FAM53B: variants seen among roughly 807,000 people sequenced by gnomAD.
FAM53B encodes the protein protein FAM53B.
In FAM53B, 12 loss-of-function variants were observed where a neutral mutation model predicts 32.7. That is an observed-to-expected ratio of 0.37 (90% confidence interval 0.24 to 0.59). The LOEUF (loss-of-function observed/expected upper bound fraction) is 0.59. Ranked by LOEUF, FAM53B falls within the 20% of genes least tolerant of loss-of-function variation. The pLI is 0.72. For synonymous variants in FAM53B, 234 were observed against 228.7 expected (o/e 1.02, Z -0.21); for missense variants, 477 against 577.7 (o/e 0.83, Z 1.79).
chr10:124,640,766 G>A (rs1291982023), intron 4 of FAM53B, among the ~76,000 whole-genome samples: 3 of 152,224 alleles, frequency 2.0e-5, no homozygotes, highest in African/African-American at 4.8e-5. Context: ...GGAGGATCTA[G>A]GTGCCAGCAG....
chr10:124,625,469 G>C (rs1949340927), intron 4 of FAM53B, among the ~76,000 whole-genome samples: 1 of 152,148 alleles, frequency 6.6e-6, no homozygotes, highest in Non-Finnish European at 1.5e-5. Context: ...TGTGCACACA[G>C]CACAATCCCC....
chr10:124,636,364 T>C (rs1011436326), intron 4 of FAM53B, among the ~76,000 whole-genome samples: 8 of 152,240 alleles, frequency 5.3e-5, no homozygotes, highest in Non-Finnish European at 1.0e-4. Flanking sequence ...TGCACTTTAA[T>C]AATCACCAAA....
chr10:124,662,865 T>C (rs969547299), intron 4 of FAM53B, among the ~76,000 whole-genome samples: 7 of 152,276 alleles, frequency 4.6e-5, no homozygotes, highest in Admixed American at 3.9e-4. Context: ...TGGTAGGTGC[T>C]AGAGGTCTAG....
At chr10:124,723,923 C>T (rs191669693) in intron 1 of FAM53B, among the ~76,000 whole-genome samples, 11 of 152,350 alleles carry the variant, frequency 7.2e-5, no homozygotes, top group African/African-American at 2.6e-4. Context: ...CTCATGTACT[C>T]CCTGTGTTGT....
chr10:124,744,033 G>T lies in FAM53B; in HGVS notation c.-195C>A. The T allele has an allele frequency of 6.8e-6, 1 of 147,248 alleles. No individual in the cohort carries two copies. Among genetic ancestry groups the T allele is most frequent in the South Asian group, 2.0e-4 (1 of 5,032 alleles). The allele number at this position is 147,248 out of a possible 1,614,324, so 9.1% of individuals were successfully genotyped here. ...CTTACTGTGCGCGGCGGGGCGCTCC[G>T]GGCGCGGACCCCGCGCCGTCACCGC... On this transcript the variant is annotated 5_prime_UTR_variant, in exon 1 of 5. Transcript: ENST00000337318.
chr10:124,660,371 G>A (rs958936569), intron 4 of FAM53B, among the ~76,000 whole-genome samples: 5 of 152,230 alleles, frequency 3.3e-5, no homozygotes, highest in African/African-American at 4.8e-5. Flanking sequence ...CAGCTGGTAC[G>A]TCCAGAGGAA....
intron 4 of FAM53B, among the ~76,000 whole-genome samples, chr10:124,653,114 G>T (rs998569594): frequency 2.0e-5 from 3 of 152,172 alleles, no homozygotes; most frequent in African/African-American, 7.2e-5. Context: ...GAGCCTTGAG[G>T]GCTGCCTGCC....
intron 1 of FAM53B, among the ~76,000 whole-genome samples, chr10:124,729,012 C>T (rs967493270): frequency 5.3e-5 from 8 of 152,234 alleles, no homozygotes; most frequent in African/African-American, 1.4e-4. Flanking sequence ...TCCTGCCCAG[C>T]GGGGCTAGTC....
chr10:124,665,350 C>T (rs759323602), intron 4 of FAM53B, among the ~76,000 whole-genome samples: 3 of 152,266 alleles, frequency 2.0e-5, no homozygotes, highest in Non-Finnish European at 4.4e-5. Flanking sequence ...ACCCCAGTTC[C>T]AGCCCAACTG....
intron 1 of FAM53B, among the ~76,000 whole-genome samples, chr10:124,739,463 T>C (rs531465797): frequency 2.0e-5 from 3 of 152,346 alleles, no homozygotes; most frequent in South Asian, 4.1e-4. Flanking sequence ...AATCATATTA[T>C]ACTAGCGCAG....
At chr10:124,674,912 G>C (rs528023420) in intron 4 of FAM53B, among the ~76,000 whole-genome samples, 1 of 152,210 alleles carries the variant, frequency 6.6e-6, no homozygotes, top group Non-Finnish European at 1.5e-5. Context: ...TCATCTGAGC[G>C]GCTGGCTTAG....
chr10:124,649,252 G>A lies in FAM53B; in HGVS notation c.907-25648C>T, dbSNP rs143409642. ...TAAGGAAACCAGCCTGGATTATTTC[G>A]AAGTTTCCATGTCTTCCAAGAAAAA... is the stretch of plus-strand genomic sequence containing the variant. On this transcript the variant is annotated intron_variant, in intron 4 of 4. Coordinates refer to ENST00000337318, the MANE Select transcript of FAM53B (RefSeq NM_014661.4). Among the ~76,000 whole-genome samples, 16 of 152,338 alleles carry A rather than the reference G, an allele frequency of 1.1e-4. No individual in the cohort carries two copies. The East Asian group carries it at 1.7e-3, about 17-fold the overall frequency.
intron 1 of FAM53B, among the ~76,000 whole-genome samples, chr10:124,730,092 C>T (rs1950131203): frequency 2.0e-5 from 3 of 152,242 alleles, no homozygotes; most frequent in Admixed American, 2.0e-4. Context: ...CTTCCTCATG[C>T]CACACAGTAG....
intron 4 of FAM53B, among the ~76,000 whole-genome samples, chr10:124,675,621 A>G (rs1410884496): frequency 6.6e-6 from 1 of 152,244 alleles, no homozygotes; most frequent in Non-Finnish European, 1.5e-5. Context: ...ACACAGCTCA[A>G]AAGTGGCAGA....
Position 124,681,704 on chromosome 10 carries a change from G to C in FAM53B, c.809C>G (p.Pro270Arg). The C allele has an allele frequency of 1.9e-6, 3 of 1,610,836 alleles. No individual in the cohort carries two copies. The highest frequency in any genetic ancestry group is 2.5e-6 in the Non-Finnish European group (3 of 1,178,654). ...GACCTTCTTGTCGTTAAGGACACAC[G>C]GCTGGGAGCGGCTGCGGGAAAGGCC... is the stretch of plus-strand genomic sequence containing the variant. ...SSGLSRSRSQ[P>R]CVLNDKKVGV... The change falls in exon 4 of 5, where the codon CCG becomes CGG. Residue 270 changes from proline (P) to arginine (R), a missense_variant. This residue lies in a region of FAM53B where 312 missense variants were observed against 420.2 expected (regional missense o/e 0.74). Coordinates refer to ENST00000337318, the MANE Select transcript of FAM53B (RefSeq NM_014661.4).
At chr10:124,714,358 G>A (rs1461087002) in intron 1 of FAM53B, 2 of 152,118 alleles carry the variant, frequency 1.3e-5, no homozygotes, top group Admixed American at 6.6e-5. Flanking sequence ...ATACTATAGT[G>A]AACATTTCAA....
chr10:124,714,676 G>A (rs924793037), intron 1 of FAM53B, among the ~76,000 whole-genome samples: 15 of 151,038 alleles, frequency 9.9e-5, no homozygotes, highest in African/African-American at 3.4e-4. Flanking sequence ...GGAGAATGGC[G>A]GGAACCCGGG....
In FAM53B at chr10:124,623,228, G is replaced by C; in HGVS notation, c.*14C>G. ...ATGCCAGCACACCCCAGCCCTGCCT[G>C]GGCCCACACCCCCTCAGTTCTTCTC... On this transcript the variant is annotated 3_prime_UTR_variant, in exon 5 of 5. Transcript: ENST00000337318. 6.4e-7 allele frequency: 1 copy of C among 1,571,780 alleles called. No individual in the cohort carries two copies. Among genetic ancestry groups the C allele is most frequent in the Non-Finnish European group, 8.6e-7 (1 of 1,157,174 alleles).
chr10:124,644,950 G>A (rs1289626346), intron 4 of FAM53B, among the ~76,000 whole-genome samples: 1 of 152,224 alleles, frequency 6.6e-6, no homozygotes, highest in Non-Finnish European at 1.5e-5. Flanking sequence ...TGAGGGGCCT[G>A]CCTCTTGCTC....
Sources: allele counts gnomAD v4.1 joint callset (sites outside exome capture counted in the v4.1 genomes callset), GRCh38; gene constraint gnomAD v4.1.1; regional missense constraint gnomAD v4.1.1; transcripts MANE v1.5; gene names NCBI Gene and HGNC (gene_info 2026-07-23, HGNC 2026-07-21).